IKBKB-DT: variants seen among roughly 807,000 people sequenced by gnomAD.
IKBKB-DT encodes IKBKB divergent transcript.
chr8:42,261,089 G>C (rs1240772243), intron 3 of IKBKB-DT, among the ~76,000 whole-genome samples: 1 of 152,166 alleles, frequency 6.6e-6, no homozygotes, highest in Non-Finnish European at 1.5e-5. Context: ...ACTTTGGGAG[G>C]CTGGGGCAGG....
intron 3 of IKBKB-DT, chr8:42,255,183 G>A (rs1807182718): frequency 6.6e-6 from 1 of 152,318 alleles, no homozygotes; most frequent in Non-Finnish European, 1.5e-5. Flanking sequence ...GGGAAGTGAG[G>A]AGTGCCTCTG....
intron 3 of IKBKB-DT, among the ~76,000 whole-genome samples, chr8:42,248,544 A>AT (rs1807090119): frequency 6.6e-6 from 1 of 152,184 alleles, no homozygotes; most frequent in Admixed American, 6.5e-5. Context: ...AACATTTTCC[A>AT]TAATGCAATT....
At chr8:42,249,204 C>T (rs1563276096) in intron 3 of IKBKB-DT, 1 of 151,624 alleles carries the variant, frequency 6.6e-6, no homozygotes, top group African/African-American at 2.4e-5. Context: ...CCCATCTCTA[C>T]AAAAAAACTG....
intron 3 of IKBKB-DT, chr8:42,255,657 G>A (rs570445138): frequency 1.3e-5 from 2 of 152,214 alleles, no homozygotes; most frequent in South Asian, 2.1e-4. Flanking sequence ...TCCAGTCAAC[G>A]TCTTAGCAAT....
intron 3 of IKBKB-DT, among the ~76,000 whole-genome samples, chr8:42,236,746 A>C (rs1439906611): frequency 1.3e-5 from 2 of 152,232 alleles, no homozygotes; most frequent in Non-Finnish European, 2.9e-5. Flanking sequence ...AAAAAGAGTG[A>C]AACTCCATCA....
At chr8:42,271,169 A>G in exon 1 of IKBKB-DT, 2 of 595,108 alleles carry the variant, frequency 3.4e-6, no homozygotes, top group South Asian at 1.9e-5. Flanking sequence ...TCTAGAGACC[A>G]CACGCCACCC....
At chr8:42,241,075 T>C (rs1806995479) in intron 3 of IKBKB-DT, among the ~76,000 whole-genome samples, 1 of 152,186 alleles carries the variant, frequency 6.6e-6, no homozygotes, top group African/African-American at 2.4e-5. Flanking sequence ...AAACAGATAT[T>C]ACATGTTCTG....
chr8:42,260,858 C>A (rs111596401), intron 3 of IKBKB-DT, among the ~76,000 whole-genome samples: 1 of 151,812 alleles, frequency 6.6e-6, no homozygotes, highest in South Asian at 2.1e-4. Context: ...GACTTAAAAC[C>A]AATGAGCCTT....
chr8:42,254,572 C>T (rs550347303), intron 3 of IKBKB-DT, among the ~76,000 whole-genome samples: 22 of 151,506 alleles, frequency 1.5e-4, no homozygotes, highest in South Asian at 4.2e-4. Flanking sequence ...CGCCTCTGCC[C>T]GGCTGCCCAC....
At chr8:42,248,727 A>G (rs1159191856) in intron 3 of IKBKB-DT, among the ~76,000 whole-genome samples, 1 of 152,026 alleles carries the variant, frequency 6.6e-6, no homozygotes, top group Non-Finnish European at 1.5e-5. Context: ...GAAAATACAA[A>G]AAGTGGCCAG....
chr8:42,261,308 A>C (rs773454589), intron 3 of IKBKB-DT, among the ~76,000 whole-genome samples: 2 of 152,184 alleles, frequency 1.3e-5, no homozygotes, highest in Non-Finnish European at 2.9e-5. Flanking sequence ...AGCCTGGGTG[A>C]CAGTGAGACC....
At chr8:42,260,258 G>A (rs1807266229) in intron 3 of IKBKB-DT, among the ~76,000 whole-genome samples, 1 of 152,148 alleles carries the variant, frequency 6.6e-6, no homozygotes, top group African/African-American at 2.4e-5. Context: ...ATTCCCATAG[G>A]AGCTGCAGGA....
intron 2 of IKBKB-DT, among the ~76,000 whole-genome samples, chr8:42,264,694 G>T (rs1807346461): frequency 1.3e-5 from 2 of 152,072 alleles, no homozygotes; most frequent in Non-Finnish European, 2.9e-5. Context: ...AAGTAGCTGG[G>T]ATTACAGGTG....
chr8:42,236,250 C>T (rs182631417), intron 3 of IKBKB-DT, among the ~76,000 whole-genome samples: 1,714 of 151,938 alleles, frequency 0.011, 26 homozygotes, highest in Middle Eastern at 0.037. Context: ...ATCCACCCAC[C>T]TTGACCTCCC....
At chr8:42,254,832 C>T (rs917316065) in intron 3 of IKBKB-DT, among the ~76,000 whole-genome samples, 2 of 139,338 alleles carry the variant, frequency 1.4e-5, no homozygotes, top group Non-Finnish European at 3.1e-5. Flanking sequence ...AGTGAGGTGC[C>T]CCTCTGCCCG....
intron 3 of IKBKB-DT, among the ~76,000 whole-genome samples, chr8:42,262,331 AG>A (rs200347020): frequency 5.2e-4 from 79 of 151,190 alleles, no homozygotes; most frequent in African/African-American, 1.2e-3. Context: ...AAAAAAAAAA[AG>A]AAAAGAAAAG....
exon 1 of IKBKB-DT, chr8:42,271,085 A>T: frequency 2.6e-6 from 1 of 383,830 alleles, no homozygotes; most frequent in South Asian, 2.5e-5. Context: ...TAAAGAGAAC[A>T]GGGTGTAACG....
At chr8:42,252,514 TGCCACCACACCCAGCTA>T (rs1807142168) in intron 3 of IKBKB-DT, among the ~76,000 whole-genome samples, 1 of 152,206 alleles carries the variant, frequency 6.6e-6, no homozygotes, top group Admixed American at 6.5e-5. Flanking sequence ...TACCGGTGCG[TGCCACCACACCCAGCTA>T]ATTTTTTAAA....
intron 3 of IKBKB-DT, among the ~76,000 whole-genome samples, chr8:42,241,701 A>G (rs1168272313): frequency 3.3e-5 from 5 of 152,210 alleles, no homozygotes; most frequent in Non-Finnish European, 7.3e-5. Context: ...ATGAAAAAAT[A>G]GAAAGCTTCA....
Sources: allele counts gnomAD v4.1 joint callset (sites outside exome capture counted in the v4.1 genomes callset), GRCh38; gene constraint gnomAD v4.1.1; transcripts MANE v1.5; gene names NCBI Gene and HGNC (gene_info 2026-07-23, HGNC 2026-07-21).